The following IL1RAPL1 variants were observed in gnomAD, a reference collection of about 807,000 sequenced individuals.
IL1RAPL1 encodes the protein interleukin 1 receptor accessory protein like 1, also known as interleukin-1 receptor accessory protein-like 1.
In IL1RAPL1, 3 loss-of-function variants were observed where a neutral mutation model predicts 48.4. The observed-to-expected ratio is 0.06, with a 90% CI of 0.03 to 0.16. The LOEUF is 0.16. IL1RAPL1 is among the 10% of genes least tolerant of loss of function. The pLI is 1.00. For synonymous variants in IL1RAPL1, 185 were observed against 187.7 expected (o/e 0.99, Z 0.12); for missense variants, 349 against 530.6 (o/e 0.66, Z 3.36).
intron 2 of IL1RAPL1, among the ~76,000 whole-genome samples, chrX:29,032,977 A>G: frequency 8.9e-6 from 1 of 112,646 alleles, no homozygotes; most frequent in East Asian, 2.8e-4. Context: ...TAAGGCTAAT[A>G]ATATGTTTTC....
chrX:28,960,216 G>T (rs1361913832), intron 2 of IL1RAPL1, among the ~76,000 whole-genome samples: 4 of 111,438 alleles, frequency 3.6e-5, no homozygotes, highest in Non-Finnish European at 7.5e-5. Context: ...CATGACCTCA[G>T]TTCCTATTAC....
chrX:29,235,224 G>A (rs1457278602), intron 2 of IL1RAPL1, among the ~76,000 whole-genome samples: 1 of 111,603 alleles, frequency 9.0e-6, no homozygotes, highest in African/African-American at 3.3e-5. Context: ...CTTACTGCAG[G>A]AACAATATAA....
At chrX:29,860,158 C>T (rs1208435119) in intron 6 of IL1RAPL1, among the ~76,000 whole-genome samples, 1 of 111,843 alleles carries the variant, frequency 8.9e-6, no homozygotes, top group African/African-American at 3.2e-5. Context: ...AAATCACCCT[C>T]CCGATAGGTA....
intron 2 of IL1RAPL1, among the ~76,000 whole-genome samples, chrX:28,882,857 G>A (rs1922538750): frequency 9.0e-6 from 1 of 111,540 alleles, no homozygotes; most frequent in South Asian, 3.7e-4. Context: ...GAATCCTGCA[G>A]TATTGTAATG....
At chrX:29,715,961 C>G (rs993460427) in intron 6 of IL1RAPL1, among the ~76,000 whole-genome samples, 5 of 112,185 alleles carry the variant, frequency 4.5e-5, no homozygotes, top group African/African-American at 6.5e-5. Flanking sequence ...TGATACTATG[C>G]TACCTCAGTG....
chrX:29,366,159 G>A (rs1235811486), intron 3 of IL1RAPL1, among the ~76,000 whole-genome samples: 2 of 111,099 alleles, frequency 1.8e-5, no homozygotes, highest in Non-Finnish European at 3.8e-5. Flanking sequence ...CTTTGCTAGT[G>A]TCAGGACCCA....
In IL1RAPL1 at chrX:29,631,294, C is replaced by G. The variant is rs189996358; in HGVS notation, c.704-37136C>G. On this transcript the variant is annotated intron_variant, in intron 5 of 10. Transcript: ENST00000378993. ...TCTAGAAAAGTTTCACCTTATCTATCTAGTTTCACTCTGTCACCCAGACTG... is the reference window on the plus strand; with the variant it reads ...TCTAGAAAAGTTTCACCTTATCTATGTAGTTTCACTCTGTCACCCAGACTG... Among the ~76,000 whole-genome samples the G allele has an allele frequency of 2.4e-3, 266 of 111,693 alleles. 1 individual carries two copies. The highest frequency in any genetic ancestry group is 8.4e-3 in the African/African-American group (257 of 30,727).
At chrX:29,513,150 A>G (rs1188965796) in intron 5 of IL1RAPL1, among the ~76,000 whole-genome samples, 2 of 104,323 alleles carry the variant, frequency 1.9e-5, no homozygotes, top group Admixed American at 1.0e-4. Context: ...ACAAAGTAAT[A>G]GTTTTTATTG....
intron 1 of IL1RAPL1, among the ~76,000 whole-genome samples, chrX:28,644,634 A>G (rs1934587365): frequency 9.0e-6 from 1 of 111,278 alleles, no homozygotes; most frequent in South Asian, 3.8e-4. Flanking sequence ...CATAATCCCT[A>G]CTAATAAGCT....
At chrX:29,842,298 C>G (rs961245448) in intron 6 of IL1RAPL1, among the ~76,000 whole-genome samples, 3 of 112,397 alleles carry the variant, frequency 2.7e-5, no homozygotes, top group Non-Finnish European at 5.6e-5. Flanking sequence ...GCAGTCCTTT[C>G]TAAGGACAGC....
At chrX:29,124,987 A>G (rs1228045900) in intron 2 of IL1RAPL1, among the ~76,000 whole-genome samples, 1 of 112,347 alleles carries the variant, frequency 8.9e-6, no homozygotes, top group African/African-American at 3.2e-5. Flanking sequence ...ATATATACAT[A>G]AACTAGCTAT....
chrX:29,672,769 A>G (rs893177100), intron 6 of IL1RAPL1, among the ~76,000 whole-genome samples: 6 of 111,937 alleles, frequency 5.4e-5, no homozygotes, highest in Non-Finnish European at 1.1e-4. Flanking sequence ...GCAAGAGAAT[A>G]TAATGTGTAG....
intron 2 of IL1RAPL1, among the ~76,000 whole-genome samples, chrX:29,076,487 G>A (rs894648182): frequency 3.6e-5 from 4 of 111,696 alleles, no homozygotes; most frequent in African/African-American, 1.3e-4. Flanking sequence ...CAACTTCTAT[G>A]TATTTCAGGT....
intron 4 of IL1RAPL1, among the ~76,000 whole-genome samples, chrX:29,397,350 A>G (rs1334865718): frequency 8.9e-6 from 1 of 112,259 alleles, no homozygotes; most frequent in East Asian, 2.8e-4. Flanking sequence ...TGTTAGAAAT[A>G]AAACAAGAAA....
Position 29,125,947 on chromosome X carries a change from T to A in IL1RAPL1, c.83-156991T>A, listed in dbSNP as rs769052517. On this transcript the variant is annotated intron_variant, in intron 2 of 10. Coordinates refer to ENST00000378993, the MANE Select transcript of IL1RAPL1 (RefSeq NM_014271.4). ...GGCTGAGGGTTTAGATTTTGGAAAGTCACAACATAACCTTTTACAACTGAA... is the reference window on the plus strand; with the variant it reads ...GGCTGAGGGTTTAGATTTTGGAAAGACACAACATAACCTTTTACAACTGAA... 5.2e-4 allele frequency among the ~76,000 whole-genome samples: 57 copies of A among 108,693 alleles called. 1 individual carries two copies. Among genetic ancestry groups the A allele is most frequent in the African/African-American group, 1.9e-3 (56 of 29,847 alleles). The allele number at this position is 108,693 out of a possible 115,157, so 94.4% of individuals were successfully genotyped here.
chrX:28,988,021 A>G, intron 2 of IL1RAPL1, among the ~76,000 whole-genome samples: 1 of 112,152 alleles, frequency 8.9e-6, no homozygotes, highest in South Asian at 3.7e-4. Context: ...CCTGTTACTC[A>G]AAAATCCAGT....
chrX:29,335,130 A>G (rs1229838178), intron 3 of IL1RAPL1, among the ~76,000 whole-genome samples: 1 of 110,688 alleles, frequency 9.0e-6, no homozygotes, highest in Admixed American at 9.4e-5. Flanking sequence ...AACGAAAACC[A>G]GTCAGGCGTG....
At chrX:29,227,402 A>T (rs753478029) in intron 2 of IL1RAPL1, among the ~76,000 whole-genome samples, 1 of 111,708 alleles carries the variant, frequency 9.0e-6, no homozygotes, top group East Asian at 2.8e-4. Flanking sequence ...TTCAAAGCCT[A>T]ATCTAAATTT....
intron 6 of IL1RAPL1, among the ~76,000 whole-genome samples, chrX:29,720,009 G>A (rs925054183): frequency 1.8e-5 from 2 of 111,815 alleles, no homozygotes; most frequent in Admixed American, 9.5e-5. Context: ...ACAGTCAACC[G>A]CTTCATCACT....
Sources: allele counts gnomAD v4.1 joint callset (sites outside exome capture counted in the v4.1 genomes callset), GRCh38; gene constraint gnomAD v4.1.1; transcripts MANE v1.5; gene names NCBI Gene and HGNC (gene_info 2026-07-23, HGNC 2026-07-21).